The following DOCK9 variants were observed in gnomAD, a reference collection of about 807,000 sequenced individuals.
DOCK9 encodes the protein dedicator of cytokinesis protein 9.
Under a neutral mutation model 263.3 loss-of-function variants are expected in DOCK9, and 89 were observed. The observed-to-expected ratio is 0.34, with a 90% confidence interval of 0.28 to 0.40. The LOEUF is 0.40. Among genes scored for constraint, DOCK9 ranks in the 10% least tolerant of loss-of-function variants. The pLI is 1.00. For missense variants in DOCK9, 2,140 were observed against 2,603.4 expected (o/e 0.82, Z 3.87); for synonymous variants, 976 against 973.1 (o/e 1.00, Z -0.06).
At chr13:98,804,903 G>T (rs1363641855) in intron 49 of DOCK9, 96 bp downstream of exon 49, 2 of 1,351,436 alleles carry the variant, frequency 1.5e-6, no homozygotes, top group East Asian at 5.0e-5. Context: ...AACTGAGCTC[G>T]AAAGACCCTT....
intron 1 of DOCK9, among the ~76,000 whole-genome samples, chr13:98,964,726 G>C (rs1196013702): frequency 6.6e-6 from 1 of 152,168 alleles, no homozygotes; most frequent in South Asian, 2.1e-4. Flanking sequence ...TGGGGTCCCA[G>C]GCTCCACAGG....
chr13:98,946,858 C>T (rs2056781034), intron 2 of DOCK9, among the ~76,000 whole-genome samples: 1 of 152,184 alleles, frequency 6.6e-6, no homozygotes, highest in African/African-American at 2.4e-5. Context: ...GAGAGACTGT[C>T]TGCCCTCTCT....
chr13:99,060,798 C>T (rs1185596403), intron 1 of DOCK9, among the ~76,000 whole-genome samples: 1 of 152,178 alleles, frequency 6.6e-6, no homozygotes, highest in East Asian at 1.9e-4. Flanking sequence ...TGATCAGCTA[C>T]TTAGGTCCTG....
At chr13:99,077,716 T>C (rs185558242) in intron 1 of DOCK9, among the ~76,000 whole-genome samples, 1 of 152,310 alleles carries the variant, frequency 6.6e-6, no homozygotes, top group African/African-American at 2.4e-5. Flanking sequence ...TAGAAAGGAC[T>C]GTACTTCCCT....
intron 1 of DOCK9, among the ~76,000 whole-genome samples, chr13:99,062,515 T>C (rs991155822): frequency 2.6e-5 from 4 of 152,144 alleles, no homozygotes; most frequent in Non-Finnish European, 5.9e-5. Flanking sequence ...AGGAAAACCA[T>C]TTGGATGTGG....
chr13:98,857,657 TGAA>T (rs1372322877), intron 33 of DOCK9: 1 of 152,218 alleles, frequency 6.6e-6, no homozygotes, highest in Non-Finnish European at 1.5e-5. Context: ...TTCCCTCTGT[TGAA>T]CACTCAGATT....
chr13:99,014,807 C>T (rs1440417541), intron 1 of DOCK9, among the ~76,000 whole-genome samples: 1 of 152,206 alleles, frequency 6.6e-6, no homozygotes, highest in African/African-American at 2.4e-5. Context: ...AAGAGGCACA[C>T]CCATCTGTGA....
intron 33 of DOCK9, 133 bp downstream of exon 33, chr13:98,860,272 G>A (rs2093822458): frequency 1.4e-6 from 2 of 1,476,494 alleles, no homozygotes; most frequent in East Asian, 5.0e-5. Context: ...TCACAAGCAG[G>A]AAAAGAATAC....
chr13:98,914,284 T>C (rs775620500), intron 9 of DOCK9, 44 bp downstream of exon 9: 1 of 1,519,584 alleles, frequency 6.6e-7, no homozygotes, highest in Non-Finnish European at 9.0e-7. Flanking sequence ...GAGACATACT[T>C]CAACAGCATT....
At chr13:98,950,471 A>C (rs1249790697) in intron 2 of DOCK9, 2 of 542,834 alleles carry the variant, frequency 3.7e-6, no homozygotes, top group Admixed American at 6.9e-5. Context: ...AATATTTTTT[A>C]AATTTATTTT....
intron 1 of DOCK9, among the ~76,000 whole-genome samples, chr13:99,078,042 T>A (rs985888156): frequency 2.0e-5 from 3 of 152,040 alleles, no homozygotes; most frequent in African/African-American, 7.3e-5. Flanking sequence ...GGTGATGAAA[T>A]GACACTCCCC....
chr13:98,865,103 G>C (rs1196119968), intron 30 of DOCK9, among the ~76,000 whole-genome samples: 1 of 152,144 alleles, frequency 6.6e-6, no homozygotes, highest in Admixed American at 6.5e-5. Flanking sequence ...TGCTCAGGCT[G>C]GAGTGCCGTG....
At chr13:98,901,986 G>T in intron 12 of DOCK9, 86 bp from the exon 13 acceptor site, 1 of 1,503,814 alleles carries the variant, frequency 6.6e-7, no homozygotes, top group Non-Finnish European at 8.9e-7. Flanking sequence ...AAAGAACAGT[G>T]AAACAGGACA....
intron 8 of DOCK9, among the ~76,000 whole-genome samples, chr13:98,914,801 T>C (rs1259460543): frequency 6.6e-6 from 1 of 152,198 alleles, no homozygotes; most frequent in Non-Finnish European, 1.5e-5. Flanking sequence ...GGGTTGGGAA[T>C]CACCTAAGGG....
intron 1 of DOCK9, among the ~76,000 whole-genome samples, chr13:99,040,982 C>T (rs1888398673): frequency 6.6e-6 from 1 of 152,014 alleles, no homozygotes; most frequent in Admixed American, 6.6e-5. Flanking sequence ...CAAGGTGGGC[C>T]CTGCAGAACC....
intron 27 of DOCK9, among the ~76,000 whole-genome samples, chr13:98,872,397 T>G (rs903900202): frequency 1.5e-5 from 2 of 131,006 alleles, no homozygotes; most frequent in African/African-American, 5.4e-5. Context: ...CTTGGTTTTG[T>G]TTTTGTTTTT....
At chr13:98,968,494 C>T (rs1481761194) in intron 1 of DOCK9, among the ~76,000 whole-genome samples, 1 of 152,070 alleles carries the variant, frequency 6.6e-6, no homozygotes, top group Non-Finnish European at 1.5e-5. Context: ...GTGGTGCACA[C>T]CTGTAATCTC....
intron 1 of DOCK9, among the ~76,000 whole-genome samples, 168 bp from the exon 2 acceptor site, chr13:98,955,719 A>T (rs549156972): frequency 7.2e-5 from 11 of 152,380 alleles, no homozygotes; most frequent in Admixed American, 5.2e-4. Flanking sequence ...GGGACAAAAA[A>T]TGCTGGGTGG....
intron 39 of DOCK9, among the ~76,000 whole-genome samples, chr13:98,832,559 A>C (rs553765312): frequency 6.6e-6 from 1 of 152,358 alleles, no homozygotes; most frequent in Non-Finnish European, 1.5e-5. Context: ...TCCTCATGTC[A>C]GTAGAAAATT....
Sources: gnomAD v4.1 joint callset for allele counts (sites outside exome capture counted in the v4.1 genomes callset) on GRCh38, gnomAD v4.1.1 for gene constraint, MANE v1.5 for transcripts, NCBI Gene and HGNC (gene_info 2026-07-23, HGNC 2026-07-21) for gene names.